KCNH1: variants seen among roughly 807,000 people sequenced by gnomAD.
KCNH1 encodes voltage-gated delayed rectifier potassium channel KCNH1.
In KCNH1, 27 loss-of-function variants were observed where a neutral mutation model predicts 69.2. The ratio of observed to expected loss-of-function variants is 0.39; its 90% CI spans 0.29 to 0.54. KCNH1 has a LOEUF of 0.54. KCNH1 is among the 20% of genes least tolerant of loss of function. KCNH1 has a pLI of 0.68. For synonymous variants in KCNH1, 456 were observed against 487.7 expected, an observed-to-expected ratio of 0.93 and a Z score of 0.86; for missense variants, 798 against 1,261.6, an observed-to-expected ratio of 0.63 and a Z score of 5.57.
At chr1:211,024,870 G>C (rs759843343) in intron 5 of KCNH1, among the ~76,000 whole-genome samples, 2 of 151,796 alleles carry the variant, frequency 1.3e-5, no homozygotes, top group African/African-American at 2.4e-5. Flanking sequence ...CATGCTGGCT[G>C]GTCCAAAGTA....
chr1:210,703,535 G>T (rs1187831373), intron 10 of KCNH1, among the ~76,000 whole-genome samples: 1 of 152,194 alleles, frequency 6.6e-6, no homozygotes, highest in Non-Finnish European at 1.5e-5. Flanking sequence ...AAGAAATAAT[G>T]CATTTAAAGT....
chr1:210,815,536 TC>T (rs113785444), intron 7 of KCNH1, among the ~76,000 whole-genome samples: 4 of 152,208 alleles, frequency 2.6e-5, no homozygotes, highest in African/African-American at 9.6e-5. Context: ...TTTTTCTCTT[TC>T]CCCACTTCTT....
intron 7 of KCNH1, among the ~76,000 whole-genome samples, chr1:210,805,880 A>C (rs1395976902): frequency 6.6e-6 from 1 of 152,150 alleles, no homozygotes; most frequent in Non-Finnish European, 1.5e-5. Flanking sequence ...AATGTTTTCC[A>C]GCTTCACCCC....
intron 10 of KCNH1, among the ~76,000 whole-genome samples, chr1:210,724,532 A>G (rs1001698429): frequency 6.6e-6 from 1 of 152,216 alleles, no homozygotes; most frequent in African/African-American, 2.4e-5. Context: ...AGATTCAGAA[A>G]AAGAAATCCA....
chr1:210,822,797 C>G (rs1039900115), intron 7 of KCNH1, among the ~76,000 whole-genome samples: 8 of 152,170 alleles, frequency 5.3e-5, no homozygotes, highest in Non-Finnish European at 1.2e-4. Context: ...AAGCCCTTGT[C>G]AGTCTCTCCA....
Position 211,008,734 on chromosome 1 carries a change from G to A in KCNH1, c.1032+10049C>T, listed in dbSNP as rs143887379. 7.3e-4 allele frequency among the ~76,000 whole-genome samples: 111 copies of A among 152,270 alleles called. 1 individual carries two copies. Among genetic ancestry groups the A allele is most frequent in the Middle Eastern group, 3.4e-3 (1 of 294 alleles). Reference sequence around the variant, plus strand: ...AATCCGATGTTTTGATCTAAGTAGTGGTTATGTGCAAGTATACATTTGTAA... The same window carrying A: ...AATCCGATGTTTTGATCTAAGTAGTAGTTATGTGCAAGTATACATTTGTAA... On this transcript the variant is annotated intron_variant, in intron 6 of 10. Transcript: ENST00000271751.
intron 10 of KCNH1, among the ~76,000 whole-genome samples, chr1:210,761,484 T>A (rs963315657): frequency 6.6e-6 from 1 of 152,052 alleles, no homozygotes; most frequent in Non-Finnish European, 1.5e-5. Context: ...ATCCTTTTGC[T>A]ATCTTCAAGA....
intron 1 of KCNH1, among the ~76,000 whole-genome samples, chr1:211,119,247 C>A (rs1691643781): frequency 6.6e-6 from 1 of 152,064 alleles, no homozygotes; most frequent in South Asian, 2.1e-4. Flanking sequence ...GTAGTCCCAG[C>A]TACTCAGGAG....
At chr1:211,069,630 G>A in intron 5 of KCNH1, among the ~76,000 whole-genome samples, 1 of 152,100 alleles carries the variant, frequency 6.6e-6, no homozygotes, top group Middle Eastern at 3.2e-3. Context: ...ACACAGCTGA[G>A]GAAAGAATCT....
chr1:210,810,006 C>T (rs1684668493), intron 7 of KCNH1, among the ~76,000 whole-genome samples: 1 of 152,160 alleles, frequency 6.6e-6, no homozygotes, highest in South Asian at 2.1e-4. Context: ...GAAGTTTCTT[C>T]ACTTATTTAG....
At chr1:211,098,093 G>A (rs868087520) in intron 3 of KCNH1, among the ~76,000 whole-genome samples, 1 of 152,098 alleles carries the variant, frequency 6.6e-6, no homozygotes, top group Non-Finnish European at 1.5e-5. Flanking sequence ...AGAGATGGGT[G>A]GATGGCTTGA....
chr1:210,924,561 T>C (rs1224261818), intron 6 of KCNH1, among the ~76,000 whole-genome samples: 4 of 152,216 alleles, frequency 2.6e-5, no homozygotes, highest in Non-Finnish European at 5.9e-5. Flanking sequence ...TTGCCTGAGT[T>C]CAGTAGATGA....
intron 10 of KCNH1, among the ~76,000 whole-genome samples, chr1:210,729,414 A>G (rs912737102): frequency 3.9e-5 from 6 of 152,190 alleles, no homozygotes; most frequent in African/African-American, 1.4e-4. Flanking sequence ...TACGGCAATA[A>G]TGTCCACCCT....
chr1:210,714,310 C>A (rs1173667080), intron 10 of KCNH1, among the ~76,000 whole-genome samples: 2 of 152,192 alleles, frequency 1.3e-5, no homozygotes, highest in Non-Finnish European at 2.9e-5. Context: ...TTTTCCAAAA[C>A]ATCAATGTTT....
At chr1:210,998,366 T>A (rs537644186) in intron 6 of KCNH1, among the ~76,000 whole-genome samples, 14 of 152,160 alleles carry the variant, frequency 9.2e-5, no homozygotes, top group African/African-American at 3.1e-4. Context: ...GCAATCCTAG[T>A]CTCTGATAAA....
chr1:210,910,060 A>G (rs1192103743), intron 7 of KCNH1, among the ~76,000 whole-genome samples: 1 of 152,150 alleles, frequency 6.6e-6, no homozygotes, highest in African/African-American at 2.4e-5. Flanking sequence ...GACACATGGT[A>G]AACAGTCAGA....
intron 10 of KCNH1, among the ~76,000 whole-genome samples, chr1:210,733,546 T>G (rs1360182767): frequency 1.3e-5 from 2 of 152,208 alleles, no homozygotes; most frequent in African/African-American, 2.4e-5. Context: ...CTGAGCAAAT[T>G]CCAGATATCA....
chr1:210,744,230 C>T (rs543906532), intron 10 of KCNH1, among the ~76,000 whole-genome samples: 1 of 152,352 alleles, frequency 6.6e-6, no homozygotes, highest in Admixed American at 6.5e-5. Flanking sequence ...TCTTATCTTA[C>T]TGACCATCGG....
chr1:210,748,328 T>G (rs920962953), intron 10 of KCNH1, among the ~76,000 whole-genome samples: 12 of 152,142 alleles, frequency 7.9e-5, no homozygotes, highest in African/African-American at 2.9e-4. Context: ...TCAATCTGCC[T>G]CATAGACAGT....
Sources: gnomAD v4.1 joint callset for allele counts (sites outside exome capture counted in the v4.1 genomes callset) on GRCh38, gnomAD v4.1.1 for gene constraint, MANE v1.5 for transcripts, NCBI Gene and HGNC (gene_info 2026-07-23, HGNC 2026-07-21) for gene names.